PARP8: variants seen among roughly 807,000 people sequenced by gnomAD.
PARP8 encodes the protein protein mono-ADP-ribosyltransferase PARP8.
In PARP8, 51 loss-of-function variants were observed where a neutral mutation model predicts 124.1. That is an observed-to-expected ratio of 0.41 (90% CI 0.33 to 0.52). The LOEUF is 0.52. PARP8 is among the 20% of genes least tolerant of loss of function. The pLI is 0.21. For missense variants in PARP8, 860 were observed against 1,018.9 expected (o/e 0.84, Z 2.12); for synonymous variants, 391 against 361.5 (o/e 1.08, Z -0.93).
intron 2 of PARP8, among the ~76,000 whole-genome samples, chr5:50,701,038 T>C (rs1159151233): frequency 1.3e-5 from 2 of 152,160 alleles, no homozygotes; most frequent in African/African-American, 2.4e-5. Context: ...TCTATTAGAA[T>C]GTATATTCAA....
rs149782728 is a variant in PARP8 at position 50,725,547 on chromosome 5, G to A, written c.147-24604G>A. Reference sequence around the variant, plus strand: ...TGCTCCCTAACATGAATGCATGTTCGGTCAGGGTATCTGTGAAATTCAAAC... The same window carrying A: ...TGCTCCCTAACATGAATGCATGTTCAGTCAGGGTATCTGTGAAATTCAAAC... On this transcript the variant is annotated intron_variant, in intron 2 of 25. Coordinates refer to ENST00000281631, the MANE Select transcript of PARP8 (RefSeq NM_024615.4). Among the ~76,000 whole-genome samples, 26 of 152,198 alleles carry A rather than the reference G, an allele frequency of 1.7e-4. No individual in the cohort carries two copies. The East Asian group carries it at 4.1e-3, about 24-fold the overall frequency.
intron 2 of PARP8, among the ~76,000 whole-genome samples, chr5:50,693,854 T>G (rs1185420534): frequency 6.6e-6 from 1 of 151,516 alleles, no homozygotes; most frequent in African/African-American, 2.4e-5. Flanking sequence ...ATTTATATAA[T>G]TATAAGCACC....
At chr5:50,787,197 G>A (rs1741356941) in intron 9 of PARP8, among the ~76,000 whole-genome samples, 1 of 151,902 alleles carries the variant, frequency 6.6e-6, no homozygotes, top group Non-Finnish European at 1.5e-5. Context: ...TCACCTCCAC[G>A]GACGAAGTTC....
At position 50,803,184 on chromosome 5, in the gene PARP8, T is replaced by C. The variant is rs112938986; in HGVS notation, c.1575+5951T>C. On this transcript the variant is annotated intron_variant, in intron 14 of 25. Coordinates refer to ENST00000281631, the MANE Select transcript of PARP8 (RefSeq NM_024615.4). ...GCCTTTGGGTATTTGTGGTTTCCCA[T>C]GAAAAATGACCTGTTTTCTTGTTGA... Among the ~76,000 whole-genome samples, 1,026 of 152,314 alleles carry C rather than the reference T, an allele frequency of 6.7e-3. 17 individuals carry two copies. The highest frequency in any genetic ancestry group is 0.024 in the African/African-American group (985 of 41,582).
At chr5:50,739,389 T>TG (rs1561310354) in intron 2 of PARP8, among the ~76,000 whole-genome samples, 1 of 142,568 alleles carries the variant, frequency 7.0e-6, no homozygotes, top group Non-Finnish European at 1.5e-5. Flanking sequence ...ATTTTTTTTG[T>TG]GGGGGGATGG....
intron 7 of PARP8, among the ~76,000 whole-genome samples, chr5:50,776,926 A>G (rs1156822052): frequency 1.3e-5 from 2 of 152,096 alleles, no homozygotes; most frequent in Non-Finnish European, 2.9e-5. Context: ...CTTCCCCACT[A>G]ACTTATTTTT....
At chr5:50,759,545 G>A (rs1191598877) in intron 3 of PARP8, 98 bp from the exon 4 acceptor site, 5 of 1,291,364 alleles carry the variant, frequency 3.9e-6, no homozygotes, top group Non-Finnish European at 5.1e-6. Context: ...ATGAGAGTTG[G>A]AACTAAAGTG....
At chr5:50,818,187 C>A (rs536548476) in intron 15 of PARP8, among the ~76,000 whole-genome samples, 13 of 145,650 alleles carry the variant, frequency 8.9e-5, no homozygotes, top group Admixed American at 2.1e-4. Context: ...CCCCCCCCCC[C>A]CCAAAAAAAA....
At chr5:50,740,834 T>TTA (rs1757972617) in intron 2 of PARP8, among the ~76,000 whole-genome samples, 1 of 151,722 alleles carries the variant, frequency 6.6e-6, no homozygotes, top group Non-Finnish European at 1.5e-5. Context: ...AAAAAAAAGA[T>TTA]TATATATTTG....
At chr5:50,681,646 A>G (rs555192078) in intron 2 of PARP8, among the ~76,000 whole-genome samples, 1 of 152,300 alleles carries the variant, frequency 6.6e-6, no homozygotes, top group African/African-American at 2.4e-5. Flanking sequence ...TCCTCTCTGA[A>G]GTTGTAGAGG....
chr5:50,709,349 T>A (rs1754483865), intron 2 of PARP8, among the ~76,000 whole-genome samples: 1 of 152,066 alleles, frequency 6.6e-6, no homozygotes, highest in African/African-American at 2.4e-5. Flanking sequence ...TTCTTTTTCT[T>A]TTGAAAATGC....
At chr5:50,735,664 A>G (rs1484209439) in intron 2 of PARP8, among the ~76,000 whole-genome samples, 1 of 152,190 alleles carries the variant, frequency 6.6e-6, no homozygotes, top group Admixed American at 6.5e-5. Context: ...TATTTTGAAC[A>G]TCTCTTAAGA....
Position 50,763,181 on chromosome 5 carries a change from C to G in PARP8, c.457C>G (p.Gln153Glu), listed in dbSNP as rs1760730859. ...TGATGGGGAACTGCACAAGCACCCA[C>G]AACTGGAAGCTGATTTGTCAGCAGT... ...NYDGELHKHP[Q>E]LEADLSAVRE... Residue 153 changes from glutamine (Q) to glutamate (E), a missense_variant, in exon 7 of 26, where the codon CAA (glutamine) becomes GAA (glutamate). Physicochemically the swap from Gln to Glu is conservative, Grantham distance 29. Coordinates refer to ENST00000281631, the MANE Select transcript of PARP8 (RefSeq NM_024615.4). 1 of 1,613,640 alleles carries G rather than the reference C, an allele frequency of 6.2e-7. No individual in the cohort carries two copies.
At chr5:50,718,968 G>C (rs1304337198) in intron 2 of PARP8, among the ~76,000 whole-genome samples, 1 of 151,990 alleles carries the variant, frequency 6.6e-6, no homozygotes, top group Non-Finnish European at 1.5e-5. Context: ...ATGCTCACCA[G>C]CATTAATTAT....
chr5:50,780,124 A>T (rs1740503199), intron 9 of PARP8, among the ~76,000 whole-genome samples: 1 of 152,164 alleles, frequency 6.6e-6, no homozygotes, highest in African/African-American at 2.4e-5. Flanking sequence ...GTTGACAATG[A>T]ATTTTATAAA....
chr5:50,817,144 C>CT (rs1745193245), intron 15 of PARP8, among the ~76,000 whole-genome samples: 2 of 152,068 alleles, frequency 1.3e-5, no homozygotes, highest in African/African-American at 4.8e-5. Context: ...AAGTAGTATG[C>CT]TAACAGTATG....
rs759189201 is a variant in PARP8, at chr5:50,815,535, AGGATACT to A, written c.1668+12_1668+18del. 6.4e-5 allele frequency: 100 copies of A among 1,556,128 alleles called. No individual in the cohort carries two copies. The African/African-American group carries it at 1.3e-3, about 21-fold the overall frequency. On this transcript the variant is annotated intron_variant, in intron 15 of 25. Transcript: ENST00000281631. ...GCAACTGGAGCTCAGGTAGTAACAC[AGGATACT>A]AATTATTTCTTATTTTGCTTTGAAA...
At chr5:50,679,509 G>T (rs1751036335) in intron 2 of PARP8, among the ~76,000 whole-genome samples, 1 of 152,118 alleles carries the variant, frequency 6.6e-6, no homozygotes, top group Non-Finnish European at 1.5e-5. Context: ...CCTGTTTCAG[G>T]GTGGGCTCTA....
chr5:50,752,205 A>G (rs1439862343), intron 3 of PARP8, among the ~76,000 whole-genome samples: 2 of 152,058 alleles, frequency 1.3e-5, no homozygotes, highest in African/African-American at 4.8e-5. Context: ...CCTTTAAACA[A>G]TAAAGTAACA....
Sources: allele counts gnomAD v4.1 joint callset (sites outside exome capture counted in the v4.1 genomes callset), GRCh38; gene constraint gnomAD v4.1.1; transcripts MANE v1.5; gene names NCBI Gene and HGNC (gene_info 2026-07-23, HGNC 2026-07-21).